The following RBFOX1 variants were observed in gnomAD, a reference collection of about 807,000 sequenced individuals.
The protein encoded by RBFOX1 is RNA binding fox-1 homolog 1.
RBFOX1 carries 8 observed loss-of-function variants against 57.7 expected under a neutral mutation model. The ratio of observed to expected loss-of-function variants is 0.14; its 90% CI spans 0.08 to 0.25. The LOEUF is 0.25. Ranked by LOEUF, RBFOX1 falls within the 10% of genes least tolerant of loss-of-function variation. The probability of loss-of-function intolerance (pLI) is 1.00; values close to 1 mark genes in which losing one functional copy is unlikely to be tolerated. For synonymous variants in RBFOX1, 326 were observed against 222.4 expected, an observed-to-expected ratio of 1.47 and a Z score of -4.15; for missense variants, 611 against 548.5, an observed-to-expected ratio of 1.11 and a Z score of -1.14.
chr16:5,884,219 C>A (rs2057838490), intron 4 of RBFOX1, among the ~76,000 whole-genome samples: 2 of 152,198 alleles, frequency 1.3e-5, no homozygotes, highest in Non-Finnish European at 2.9e-5. Context: ...CAGATGATAA[C>A]TCCCCCATAG....
intron 1 of RBFOX1, chr16:6,092,355 G>C (rs1442480017): frequency 6.6e-6 from 1 of 152,174 alleles, no homozygotes; most frequent in Admixed American, 6.5e-5. Flanking sequence ...CAGGGAGTAA[G>C]GCTGGGATGA....
chr16:7,225,582 A>T (rs1486503390), intron 4 of RBFOX1, among the ~76,000 whole-genome samples: 2 of 151,944 alleles, frequency 1.3e-5, no homozygotes. Context: ...ACAGTGGGCC[A>T]TGTGAGATGA....
At chr16:6,264,874 A>T (rs961255400) in intron 1 of RBFOX1, among the ~76,000 whole-genome samples, 2 of 152,204 alleles carry the variant, frequency 1.3e-5, no homozygotes, top group Non-Finnish European at 2.9e-5. Context: ...AGTCCATGGC[A>T]TATGACCTAA....
chr16:5,370,872 C>T (rs1453071746), intron 1 of RBFOX1, among the ~76,000 whole-genome samples: 1 of 152,160 alleles, frequency 6.6e-6, no homozygotes, highest in Non-Finnish European at 1.5e-5. Flanking sequence ...TCCCCAGGAT[C>T]AAGACTATGT....
rs567952985 is a variant in RBFOX1, at chr16:5,663,196, C to G, written c.318+64235C>G. Among the ~76,000 whole-genome samples, 12 of 152,128 alleles carry G rather than the reference C, an allele frequency of 7.9e-5. 1 individual carries two copies. In the South Asian group the frequency reaches 2.5e-3, roughly 32 times the overall value. ...GCCAAGAGTGTTGAGGTTGAGAAAT[C>G]CTATTATTTATTGATTATTTTATTT... On this transcript the variant is annotated intron_variant, in intron 3 of 19. Coordinates refer to the RBFOX1 transcript ENST00000641259.
intron 3 of RBFOX1, among the ~76,000 whole-genome samples, chr16:6,936,766 A>G (rs530298280): frequency 6.6e-6 from 1 of 152,224 alleles, no homozygotes; most frequent in Non-Finnish European, 1.5e-5. Flanking sequence ...TTGGTAATTC[A>G]AAGCAGATAA....
At chr16:6,195,994 A>G (rs530793386) in intron 1 of RBFOX1, among the ~76,000 whole-genome samples, 1 of 152,360 alleles carries the variant, frequency 6.6e-6, no homozygotes, top group East Asian at 1.9e-4. Flanking sequence ...AGTAAGAATC[A>G]TAAAGACTAG....
intron 2 of RBFOX1, among the ~76,000 whole-genome samples, chr16:5,467,657 G>A (rs2068995209): frequency 6.6e-6 from 1 of 152,080 alleles, no homozygotes; most frequent in South Asian, 2.1e-4. Context: ...GGCCATGTAA[G>A]AATATAATTG....
At chr16:6,747,373 C>G (rs73543702) in intron 3 of RBFOX1, among the ~76,000 whole-genome samples, 15,779 of 151,780 alleles carry the variant, frequency 0.1, 1,109 homozygotes, top group African/African-American at 0.2. Context: ...CCCCATTGCC[C>G]TCCAGACTGG....
chr16:6,970,617 C>T (rs749708060), intron 3 of RBFOX1, among the ~76,000 whole-genome samples: 4 of 152,138 alleles, frequency 2.6e-5, no homozygotes, highest in Non-Finnish European at 5.9e-5. Flanking sequence ...CTCCCTCCTG[C>T]CTCTTTTGGA....
At chr16:6,024,616 G>A (rs901862429) in intron 1 of RBFOX1, among the ~76,000 whole-genome samples, 20 of 152,306 alleles carry the variant, frequency 1.3e-4, no homozygotes, top group African/African-American at 4.6e-4. Context: ...AGCCTCCTGA[G>A]TAGCTGGGAT....
At chr16:5,658,887 A>G (rs547603455) in intron 3 of RBFOX1, among the ~76,000 whole-genome samples, 3 of 147,920 alleles carry the variant, frequency 2.0e-5, no homozygotes, top group African/African-American at 2.5e-5. Flanking sequence ...ATATATATAT[A>G]TATCTCACAT....
intron 3 of RBFOX1, among the ~76,000 whole-genome samples, chr16:7,007,526 A>G (rs147816431): frequency 2.6e-4 from 39 of 152,274 alleles, no homozygotes; most frequent in Middle Eastern, 3.4e-3. Context: ...GGATTAGGAC[A>G]TGGGTATCTT....
chr16:6,629,615 G>C (rs1012326116), intron 2 of RBFOX1, among the ~76,000 whole-genome samples: 1 of 152,120 alleles, frequency 6.6e-6, no homozygotes, highest in Non-Finnish European at 1.5e-5. Context: ...AAGATTCTTA[G>C]AGTATTGGGA....
At position 5,571,092 on chromosome 16, in the gene RBFOX1, C is replaced by T. The variant is rs940921403; in HGVS notation, c.259-27810C>T. Among the ~76,000 whole-genome samples, 6 of 152,154 alleles carry T rather than the reference C, an allele frequency of 3.9e-5. No individual in the cohort carries two copies. The East Asian group carries it at 9.7e-4, about 25-fold the overall frequency. ...TTTTTGATGTCTGTTCACTGAAGAT[C>T]CCCTGATCACTCCCCCAGCCCTTCA... On this transcript the variant is annotated intron_variant, in intron 2 of 2. Transcript: ENST00000585867.
chr16:7,228,107 A>G (rs1201638331), intron 4 of RBFOX1, among the ~76,000 whole-genome samples: 2 of 152,114 alleles, frequency 1.3e-5, no homozygotes, highest in Non-Finnish European at 2.9e-5. Context: ...AAGAATCACT[A>G]TCTTACAGGA....
At chr16:7,708,249 A>G (rs1482407643) in intron 14 of RBFOX1, among the ~76,000 whole-genome samples, 1 of 151,024 alleles carries the variant, frequency 6.6e-6, no homozygotes, top group East Asian at 1.9e-4. Flanking sequence ...ATTCCTTTAA[A>G]AAAAAAAGTT....
chr16:6,829,481 T>TAAA (rs35754742), intron 3 of RBFOX1, among the ~76,000 whole-genome samples: 82 of 135,656 alleles, frequency 6.0e-4, no homozygotes, highest in African/African-American at 8.5e-4. Context: ...ACTCAACCAT[T>TAAA]AAAAAAAAAA....
intron 1 of RBFOX1, among the ~76,000 whole-genome samples, chr16:5,429,097 A>G (rs1303374802): frequency 1.3e-5 from 2 of 152,124 alleles, no homozygotes; most frequent in Non-Finnish European, 2.9e-5. Flanking sequence ...CCAGCCCTGC[A>G]CTGGGTCAGT....
Sources: allele counts gnomAD v4.1 joint callset (sites outside exome capture counted in the v4.1 genomes callset), GRCh38; gene constraint gnomAD v4.1.1; transcripts MANE v1.5; gene names NCBI Gene and HGNC (gene_info 2026-07-23, HGNC 2026-07-21).